ZCCHC17: variants seen among roughly 807,000 people sequenced by gnomAD.
ZCCHC17 encodes zinc finger CCHC-type containing 17, also known as zinc finger CCHC domain-containing protein 17.
In ZCCHC17, 18 loss-of-function variants were observed where a neutral mutation model predicts 30.6. The observed-to-expected ratio is 0.59, with a 90% CI of 0.41 to 0.87. The LOEUF (loss-of-function observed/expected upper bound fraction) is 0.87. Ranked by LOEUF, ZCCHC17 falls within the 40% of genes least tolerant of loss-of-function variation. The pLI is 0.00. For missense variants in ZCCHC17, 263 were observed against 284.2 expected, an observed-to-expected ratio of 0.93 and a Z score of 0.54; for synonymous variants, 88 against 92.4, an observed-to-expected ratio of 0.95 and a Z score of 0.27.
intron 3 of ZCCHC17, among the ~76,000 whole-genome samples, chr1:31,332,415 C>A (rs1638628959): frequency 6.6e-6 from 1 of 152,088 alleles, no homozygotes; most frequent in African/African-American, 2.4e-5. Context: ...CTTTAATAAT[C>A]CTGTACCCCG....
intron 2 of ZCCHC17, among the ~76,000 whole-genome samples, chr1:31,313,852 C>T (rs1646663852): frequency 6.7e-6 from 1 of 150,260 alleles, no homozygotes; most frequent in African/African-American, 2.5e-5. Context: ...TTTCTTTTCT[C>T]TTCTCTTCTC....
At chr1:31,333,432 A>AGAATCACTTG in intron 3 of ZCCHC17, among the ~76,000 whole-genome samples, 1 of 152,302 alleles carries the variant, frequency 6.6e-6, no homozygotes, top group Non-Finnish European at 1.5e-5. Context: ...CTGAGGCAGG[A>AGAATCACTTG]GAATCACTTG....
chr1:31,353,942 G>T (rs530025891), intron 7 of ZCCHC17, among the ~76,000 whole-genome samples: 5 of 152,190 alleles, frequency 3.3e-5, no homozygotes, highest in African/African-American at 9.6e-5. Flanking sequence ...GGGCTATTTG[G>T]GGTCCTTTGA....
intron 1 of ZCCHC17, among the ~76,000 whole-genome samples, chr1:31,305,703 A>G (rs1311355713): frequency 6.6e-6 from 1 of 152,100 alleles, no homozygotes; most frequent in Non-Finnish European, 1.5e-5. Flanking sequence ...CAGCCTTCCA[A>G]AGTGCTGGAA....
intron 3 of ZCCHC17, among the ~76,000 whole-genome samples, chr1:31,319,645 A>G (rs1569800422): frequency 6.6e-6 from 1 of 152,132 alleles, no homozygotes; most frequent in African/African-American, 2.4e-5. Context: ...ATAAATCTAT[A>G]ATCTTATTTA....
intron 1 of ZCCHC17, among the ~76,000 whole-genome samples, chr1:31,306,514 A>G (rs904912089): frequency 3.9e-5 from 6 of 152,208 alleles, no homozygotes; most frequent in Non-Finnish European, 5.9e-5. Flanking sequence ...TAAGAACAAC[A>G]TAACAGTTTT....
At chr1:31,323,765 T>G (rs1646917691) in intron 3 of ZCCHC17, among the ~76,000 whole-genome samples, 1 of 152,266 alleles carries the variant, frequency 6.6e-6, no homozygotes, top group Non-Finnish European at 1.5e-5. Context: ...ATAAATATTT[T>G]AAAAGATTGC....
chr1:31,327,476 G>A (rs1638402588), intron 3 of ZCCHC17, among the ~76,000 whole-genome samples: 1 of 152,226 alleles, frequency 6.6e-6, no homozygotes, highest in Non-Finnish European at 1.5e-5. Context: ...TAGGTCAACT[G>A]AGGTTTGAAA....
intron 3 of ZCCHC17, among the ~76,000 whole-genome samples, chr1:31,321,919 ATTAT>A (rs1646870340): frequency 6.6e-6 from 1 of 152,222 alleles, no homozygotes; most frequent in Non-Finnish European, 1.5e-5. Context: ...TGGAGAACAA[ATTAT>A]TTAATGGTTC....
intron 1 of ZCCHC17, among the ~76,000 whole-genome samples, chr1:31,297,552 C>G (rs543334269): frequency 6.6e-6 from 1 of 152,312 alleles, no homozygotes; most frequent in East Asian, 1.9e-4. Context: ...TGGTCATTGC[C>G]TCAGTCGTCC....
intron 7 of ZCCHC17, among the ~76,000 whole-genome samples, chr1:31,360,583 A>G (rs1430399606): frequency 6.6e-6 from 1 of 152,246 alleles, no homozygotes; most frequent in African/African-American, 2.4e-5. Context: ...GCTGCAAAAC[A>G]GCTTTTGCAT....
At chr1:31,301,489 A>G (rs1347950682) in intron 1 of ZCCHC17, among the ~76,000 whole-genome samples, 2 of 152,252 alleles carry the variant, frequency 1.3e-5, no homozygotes, top group African/African-American at 2.4e-5. Flanking sequence ...ATAAAATTTT[A>G]AAAAGAAAAA....
At chr1:31,297,692 A>G (rs1646200305) in intron 1 of ZCCHC17, among the ~76,000 whole-genome samples, 1 of 152,148 alleles carries the variant, frequency 6.6e-6, no homozygotes, top group Non-Finnish European at 1.5e-5. Flanking sequence ...AATGCCTCCT[A>G]CTGCTGCCTG....
At chr1:31,347,766 T>C (rs998199539) in intron 6 of ZCCHC17, among the ~76,000 whole-genome samples, 1 of 152,112 alleles carries the variant, frequency 6.6e-6, no homozygotes, top group African/African-American at 2.4e-5. Context: ...TGTACCACCA[T>C]GTCCAGCTAA....
intron 1 of ZCCHC17, among the ~76,000 whole-genome samples, chr1:31,299,423 A>G (rs1446880682): frequency 2.0e-5 from 3 of 152,256 alleles, no homozygotes; most frequent in Admixed American, 1.3e-4. Flanking sequence ...CTCAAGACAC[A>G]TTCTAACCTC....
intron 6 of ZCCHC17, among the ~76,000 whole-genome samples, chr1:31,347,982 A>C (rs1283144405): frequency 6.6e-6 from 1 of 150,438 alleles, no homozygotes; most frequent in African/African-American, 2.4e-5. Flanking sequence ...CTCAGACACA[A>C]CTAGCAGTGT....
intron 3 of ZCCHC17, among the ~76,000 whole-genome samples, chr1:31,328,597 T>C (rs963499303): frequency 2.6e-5 from 4 of 152,172 alleles, no homozygotes; most frequent in African/African-American, 4.8e-5. Flanking sequence ...TTCAGTACTA[T>C]TCTTTGCCAG....
At chr1:31,331,921 T>C (rs1205821131) in intron 3 of ZCCHC17, among the ~76,000 whole-genome samples, 1 of 152,178 alleles carries the variant, frequency 6.6e-6, no homozygotes, top group Non-Finnish European at 1.5e-5. Context: ...AGATGGATTT[T>C]TTTATGAGGA....
chr1:31,349,082 G>A (rs910480162), intron 7 of ZCCHC17, 108 bp downstream of exon 7: 27 of 1,316,352 alleles, frequency 2.1e-5, no homozygotes, highest in Middle Eastern at 4.9e-4. Flanking sequence ...CTACTTGGGA[G>A]GATAAGGTGG....
Sources: allele counts gnomAD v4.1 joint callset (sites outside exome capture counted in the v4.1 genomes callset), GRCh38; gene constraint gnomAD v4.1.1; transcripts MANE v1.5; gene names NCBI Gene and HGNC (gene_info 2026-07-23, HGNC 2026-07-21).